Variants in ATP7B observed in about 807,000 individuals in gnomAD.
The protein encoded by ATP7B is ATPase copper transporting beta.
ATP7B carries 113 observed loss-of-function variants against 118.9 expected under a neutral mutation model. The observed-to-expected ratio is 0.95, with a 90% CI of 0.82 to 1.11. The LOEUF (loss-of-function observed/expected upper bound fraction) is 1.11, where lower values mean the gene tolerates loss of function less well. ATP7B is among the 50% of genes most tolerant of loss of function. The pLI, the probability that ATP7B is intolerant of heterozygous loss-of-function variation, is 0.00. For synonymous variants in ATP7B, 777 were observed against 727.4 expected (o/e 1.07, Z -1.10); for missense variants, 1,867 against 1,871.4 (o/e 1.00, Z 0.04).
intron 2 of ATP7B, among the ~76,000 whole-genome samples, chr13:51,971,677 C>T (rs1036873027): frequency 7.9e-5 from 12 of 152,208 alleles, no homozygotes; most frequent in Non-Finnish European, 1.8e-4. Flanking sequence ...TAAAGAAACT[C>T]CTTCCTGAAA....
At chr13:52,009,293 G>A (rs566720982) in intron 1 of ATP7B, among the ~76,000 whole-genome samples, 3 of 152,148 alleles carry the variant, frequency 2.0e-5, no homozygotes, top group African/African-American at 7.2e-5. Context: ...CTCCATTGAC[G>A]CAGCCAGTTT....
chr13:51,946,714 G>C (rs139589036), intron 12 of ATP7B, among the ~76,000 whole-genome samples: 379 of 152,296 alleles, frequency 2.5e-3, no homozygotes, highest in Non-Finnish European at 3.7e-3. Context: ...TACAGGAGCA[G>C]AGTCAAATAA....
intron 7 of ATP7B, 132 bp downstream of exon 7, chr13:51,960,016 G>A: frequency 3.1e-6 from 4 of 1,281,794 alleles, no homozygotes; most frequent in Admixed American, 1.9e-5. Flanking sequence ...AACTGCCTGG[G>A]TGGGGCAGGA....
At chr13:52,002,793 G>A (rs985761795) in intron 1 of ATP7B, among the ~76,000 whole-genome samples, 1 of 152,096 alleles carries the variant, frequency 6.6e-6, no homozygotes, top group Non-Finnish European at 1.5e-5. Context: ...GTTTCCTTGT[G>A]CATATAAAAG....
intron 1 of ATP7B, among the ~76,000 whole-genome samples, chr13:51,988,723 G>A (rs1952776723): frequency 6.6e-6 from 1 of 152,132 alleles, no homozygotes; most frequent in African/African-American, 2.4e-5. Flanking sequence ...ATACTATGGA[G>A]CCATAAAAAA....
Position 51,937,397 on chromosome 13 carries a change from A to G in ATP7B, c.3904-4T>C. ...CCACCACATCCAGCAAATCATTCTG[A>G]TGGAGAGGAGCACACAGTGAGGAAG... is the stretch of plus-strand genomic sequence containing the variant. On this transcript the variant is annotated splice_polypyrimidine_tract_variant and splice_region_variant and intron_variant, in intron 18 of 20. Transcript: ENST00000242839. 1.2e-6 allele frequency: 2 copies of G among 1,614,184 alleles called. No homozygotes were observed. Among genetic ancestry groups the G allele is most frequent in the Non-Finnish European group, 1.7e-6 (2 of 1,180,010 alleles).
intron 1 of ATP7B, chr13:51,975,468 T>C (rs1357589887): frequency 1.4e-5 from 8 of 563,592 alleles, no homozygotes; most frequent in Non-Finnish European, 2.4e-5. Context: ...GCTTTACATA[T>C]GGAATGCAGC....
intron 1 of ATP7B, among the ~76,000 whole-genome samples, chr13:51,992,106 T>C (rs1193846193): frequency 1.3e-5 from 2 of 150,882 alleles, no homozygotes; most frequent in Admixed American, 6.6e-5. Flanking sequence ...TTGTACAGAA[T>C]GTACTCTGCA....
At chr13:51,944,694 T>G (rs1218156896) in intron 13 of ATP7B, among the ~76,000 whole-genome samples, 1 of 152,196 alleles carries the variant, frequency 6.6e-6, no homozygotes, top group Admixed American at 6.5e-5. Flanking sequence ...AGCTTCCTTT[T>G]GCCTGCCTAA....
chr13:51,982,617 A>T (rs1952475177), intron 1 of ATP7B, among the ~76,000 whole-genome samples: 1 of 152,184 alleles, frequency 6.6e-6, no homozygotes, highest in South Asian at 2.1e-4. Flanking sequence ...TAAAAGACTA[A>T]CATCAGCTTG....
rs769928489 is a variant in ATP7B at position 51,950,128 on chromosome 13, C to T, written c.2609G>A (p.Ser870Asn). 1 of 1,614,210 alleles carries T rather than the reference C, an allele frequency of 6.2e-7. No individual in the cohort carries two copies. The highest frequency in any genetic ancestry group is 1.1e-5 in the South Asian group (1 of 91,082). ...EAMPVTKKPG[S>N]TVIAGSINAH... is the part of the protein sequence containing the mutation. ...ATTTATAGACCCCGCAATTACAGTG[C>T]TTCCGGGTTTCTTAGTGACTGGCAT... Residue 870 changes from serine to asparagine, a missense_variant, in exon 11 of 21, where the codon AGC (serine) becomes AAC (asparagine). Physicochemically the swap from Ser to Asn is conservative, Grantham distance 46 (BLOSUM62 1). Transcript: ENST00000242839.
chr13:51,983,001 C>T (rs752811615), intron 1 of ATP7B, among the ~76,000 whole-genome samples: 1 of 152,198 alleles, frequency 6.6e-6, no homozygotes, highest in African/African-American at 2.4e-5. Context: ...TGGGCAGACA[C>T]CAAGCTAGCT....
At chr13:51,942,325 C>A in intron 15 of ATP7B, 61 bp downstream of exon 15, 1 of 1,607,624 alleles carries the variant, frequency 6.2e-7, no homozygotes, top group Non-Finnish European at 8.5e-7. Context: ...GGGCGTGGTG[C>A]TCTCTGTGGT....
chr13:52,000,592 G>A (rs1187356858), intron 1 of ATP7B, among the ~76,000 whole-genome samples: 2 of 152,174 alleles, frequency 1.3e-5, no homozygotes, highest in Non-Finnish European at 2.9e-5. Flanking sequence ...CATATGCATC[G>A]CAAACTTAAC....
Position 51,946,335 on chromosome 13 carries a change from C to T in ATP7B, c.3009G>A (p.Ala1003=), listed in dbSNP as rs1801247. The change falls in exon 13 of 21, where the codon GCG becomes GCA. Residue 1003 remains alanine (A), a synonymous_variant. Transcript: ENST00000242839. The part of the protein sequence containing the change: ...TAVMVGTGVA[A]QNGILIKGGK... ...CTCCCTTGATGAGGATGCCGTTCTG[C>T]GCGGCCACCCCGGTGCCCACCATGA... 90,859 of 1,607,684 alleles carry T rather than the reference C, an allele frequency of 0.057. 3,036 individuals carry two copies. The highest frequency in any genetic ancestry group is 0.12 in the South Asian group (10,407 of 90,136).
intron 7 of ATP7B, 43 bp from the exon 8 acceptor site, chr13:51,958,587 A>G (rs760876587): frequency 6.3e-7 from 1 of 1,575,252 alleles, no homozygotes; most frequent in South Asian, 1.1e-5. Flanking sequence ...AGTAGGGAGG[A>G]GAGTTCAATG....
At chr13:51,939,312 T>C in intron 16 of ATP7B, 119 bp from the exon 17 acceptor site, 2 of 1,461,796 alleles carry the variant, frequency 1.4e-6, no homozygotes, top group South Asian at 2.4e-5. Flanking sequence ...CATCAAATTA[T>C]ATAACACAAT....
chr13:52,011,846 C>T (rs1954048759), upstream of ATP7B, among the ~76,000 whole-genome samples: 3 of 152,252 alleles, frequency 2.0e-5, no homozygotes, highest in South Asian at 6.2e-4. Flanking sequence ...AGGTGAGCTG[C>T]GCAGAGCCGG....
rs747816425 is a variant in ATP7B at position 51,934,867 on chromosome 13, C to T, written c.4287G>A (p.Ser1429=). The T allele has an allele frequency of 1.4e-5, 22 of 1,614,070 alleles. No individual in the cohort carries two copies. Among genetic ancestry groups the T allele is most frequent in the East Asian group, 6.7e-5 (3 of 44,900 alleles). The part of the protein sequence containing the change: ...WDQVSYVSQV[S]LSSLTSDKPS... ...GCTTGTCGGACGTCAGGGAGGACAGCGACACCTGGCTGACATAGCTGACCT... is the reference window on the plus strand; with the variant it reads ...GCTTGTCGGACGTCAGGGAGGACAGTGACACCTGGCTGACATAGCTGACCT... Residue 1429 remains serine, a synonymous_variant, in exon 21 of 21, where the codon TCG becomes TCA. Transcript: ENST00000242839.
Sources: allele counts gnomAD v4.1 joint callset (sites outside exome capture counted in the v4.1 genomes callset), GRCh38; gene constraint gnomAD v4.1.1; transcripts MANE v1.5; gene names NCBI Gene and HGNC (gene_info 2026-07-23, HGNC 2026-07-21).